The following AFG2A variants were observed in gnomAD, a reference collection of about 807,000 sequenced individuals.
AFG2A encodes the protein AAA ATPase AFG2A, also known as ATPase family gene 2 protein homolog A.
the AFG2A span, among the ~76,000 whole-genome samples, chr4:123,077,359 A>G: frequency 1.5e-4 from 22 of 151,490 alleles, no homozygotes; most frequent in South Asian, 6.3e-4. Flanking sequence ...TTTTTTTCCT[A>G]TCTTAAAACC....
the AFG2A span, among the ~76,000 whole-genome samples, chr4:123,233,348 C>T: frequency 1.3e-5 from 2 of 151,938 alleles, no homozygotes; most frequent in Admixed American, 6.6e-5. Context: ...TATACAGCCA[C>T]ATCTGTCAGA....
chr4:123,258,383 G>A, the AFG2A span, among the ~76,000 whole-genome samples: 1 of 152,122 alleles, frequency 6.6e-6, no homozygotes, highest in East Asian at 1.9e-4. Context: ...AAGATAAAAG[G>A]TTTCATTTCT....
the AFG2A span, among the ~76,000 whole-genome samples, chr4:123,051,640 C>CTTTTTTT: frequency 8.3e-5 from 8 of 96,040 alleles, no homozygotes; most frequent in East Asian, 3.2e-4. Context: ...ATTTCCTCAG[C>CTTTTTTT]TTTTTTTTTT....
the AFG2A span, among the ~76,000 whole-genome samples, chr4:123,003,378 G>T: frequency 6.6e-6 from 1 of 152,166 alleles, no homozygotes; most frequent in Non-Finnish European, 1.5e-5. Flanking sequence ...GAGGAGAGGC[G>T]CTCTGCTTTT....
the AFG2A span, among the ~76,000 whole-genome samples, chr4:123,042,101 C>T: frequency 0.01 from 1,563 of 152,258 alleles, 37 homozygotes; most frequent in African/African-American, 0.035. Context: ...CATCTATTAC[C>T]ATATTATCAT....
the AFG2A span, among the ~76,000 whole-genome samples, chr4:123,275,234 G>A: frequency 6.6e-6 from 1 of 152,078 alleles, no homozygotes; most frequent in Non-Finnish European, 1.5e-5. Context: ...TGATTTTGGG[G>A]GCCTGCAGAA....
At chr4:123,266,270 A>G in the AFG2A span, among the ~76,000 whole-genome samples, 1 of 152,018 alleles carries the variant, frequency 6.6e-6, no homozygotes, top group Non-Finnish European at 1.5e-5. Flanking sequence ...CAAGTCTTCC[A>G]TTTCCTAGCT....
chr4:123,294,966 A>G, the AFG2A span, among the ~76,000 whole-genome samples: 2 of 152,270 alleles, frequency 1.3e-5, no homozygotes, highest in East Asian at 3.9e-4. Flanking sequence ...CACCTGTATA[A>G]ATACAACCAT....
chr4:123,024,227 C>CAAAAAAAAAAAAAAAAAAAAAAAA, the AFG2A span, among the ~76,000 whole-genome samples: 2 of 123,662 alleles, frequency 1.6e-5, no homozygotes, highest in East Asian at 2.3e-4. Context: ...AGACTATAAG[C>CAAAAAAAAAAAAAAAAAAAAAAAA]AAAAAAAAAA....
the AFG2A span, among the ~76,000 whole-genome samples, chr4:123,072,841 C>T: frequency 1.8e-3 from 279 of 152,156 alleles, no homozygotes; most frequent in African/African-American, 6.4e-3. Context: ...AACTTCTTTC[C>T]TAGGGATAGA....
chr4:123,007,791 A>T, the AFG2A span, among the ~76,000 whole-genome samples: 1 of 151,634 alleles, frequency 6.6e-6, no homozygotes, highest in South Asian at 2.1e-4. Flanking sequence ...TGTCTTCTCA[A>T]CTCAGGGAGT....
chr4:123,309,156 G>C, the AFG2A span, among the ~76,000 whole-genome samples: 3 of 152,228 alleles, frequency 2.0e-5, no homozygotes, highest in Non-Finnish European at 4.4e-5. Flanking sequence ...TATTCTGCCA[G>C]AAATAGGAGG....
chr4:123,242,096 A>C, the AFG2A span, among the ~76,000 whole-genome samples: 1 of 152,210 alleles, frequency 6.6e-6, no homozygotes, highest in Non-Finnish European at 1.5e-5. Flanking sequence ...CTTCAAGGAG[A>C]ACTACAAGCC....
At chr4:123,194,989 C>T in the AFG2A span, among the ~76,000 whole-genome samples, 2,420 of 152,286 alleles carry the variant, frequency 0.016, 35 homozygotes, top group Non-Finnish European at 0.025. Context: ...TCTTCCTCAT[C>T]CTTCCATTCA....
the AFG2A span, among the ~76,000 whole-genome samples, chr4:122,987,832 A>G: frequency 1.3e-5 from 2 of 152,160 alleles, no homozygotes; most frequent in Admixed American, 6.5e-5. Context: ...ACTTGTAGCT[A>G]AAAATGATTT....
the AFG2A span, among the ~76,000 whole-genome samples, chr4:123,128,353 G>T: frequency 6.6e-6 from 1 of 152,076 alleles, no homozygotes; most frequent in South Asian, 2.1e-4. Context: ...GTATCTCAGG[G>T]TAAACATAAA....
chr4:123,305,841 A>G, the AFG2A span, among the ~76,000 whole-genome samples: 2 of 152,204 alleles, frequency 1.3e-5, no homozygotes, highest in Non-Finnish European at 2.9e-5. Flanking sequence ...GGCAATGTAT[A>G]AGAGGTTTCA....
chr4:123,056,840 T>C, the AFG2A span, among the ~76,000 whole-genome samples: 1 of 152,232 alleles, frequency 6.6e-6, no homozygotes, highest in Non-Finnish European at 1.5e-5. Flanking sequence ...GAGGTAGGTG[T>C]TTATTATCTC....
the AFG2A span, among the ~76,000 whole-genome samples, chr4:123,248,418 T>C: frequency 5.3e-5 from 8 of 152,296 alleles, no homozygotes; most frequent in East Asian, 3.8e-4. Context: ...TCCTGGAACA[T>C]TGAGAATTTC....
Sources: gnomAD v4.1 joint callset for allele counts (sites outside exome capture counted in the v4.1 genomes callset) on GRCh38, gnomAD v4.1.1 for gene constraint, MANE v1.5 for transcripts, NCBI Gene and HGNC (gene_info 2026-07-23, HGNC 2026-07-21) for gene names.